Variants in KCTD8 observed in about 807,000 individuals in gnomAD.
KCTD8 encodes potassium channel tetramerization domain containing 8, also known as BTB/POZ domain-containing protein KCTD8.
KCTD8 carries 27 observed loss-of-function variants against 31.5 expected under a neutral mutation model. That is an observed-to-expected ratio of 0.86 (90% CI 0.63 to 1.18). The LOEUF is 1.18. Ranked by LOEUF, KCTD8 falls within the 50% of genes most tolerant of loss-of-function variation. KCTD8 has a pLI of 0.00. For synonymous variants in KCTD8, 290 were observed against 280.0 expected (o/e 1.04, Z -0.36); for missense variants, 658 against 647.7 (o/e 1.02, Z -0.17).
At chr4:44,181,301 G>A (rs1054226229) in intron 1 of KCTD8, among the ~76,000 whole-genome samples, 16 of 151,730 alleles carry the variant, frequency 1.1e-4, no homozygotes, top group African/African-American at 3.4e-4. Flanking sequence ...GCCGAGCCGA[G>A]GCTGGACTCT....
intron 1 of KCTD8, among the ~76,000 whole-genome samples, chr4:44,262,946 A>G (rs17538730): frequency 0.03 from 4,598 of 152,274 alleles, 108 homozygotes; most frequent in South Asian, 0.056. Context: ...AGAGCAAAGT[A>G]GAATCGCTAG....
At chr4:44,194,799 C>T (rs1328189764) in intron 1 of KCTD8, among the ~76,000 whole-genome samples, 1 of 88,950 alleles carries the variant, frequency 1.1e-5, no homozygotes, top group Admixed American at 1.2e-4. Flanking sequence ...CTCCCTCCCT[C>T]CCTCCCTCCC....
chr4:44,272,830 T>C (rs116666129), intron 1 of KCTD8, among the ~76,000 whole-genome samples: 2 of 152,184 alleles, frequency 1.3e-5, no homozygotes, highest in Non-Finnish European at 2.9e-5. Context: ...ATTACTGCAA[T>C]GCCACCAACA....
intron 1 of KCTD8, among the ~76,000 whole-genome samples, chr4:44,253,299 A>G (rs1344005917): frequency 2.0e-5 from 3 of 151,608 alleles, no homozygotes; most frequent in Non-Finnish European, 4.4e-5. Flanking sequence ...TTTTAATCAC[A>G]AATTCAAGTT....
chr4:44,330,153 C>G (rs930527673), intron 1 of KCTD8, among the ~76,000 whole-genome samples: 6 of 151,804 alleles, frequency 4.0e-5, no homozygotes, highest in African/African-American at 1.4e-4. Context: ...ACGTTTGAAT[C>G]TAATTAGGTG....
intron 1 of KCTD8, among the ~76,000 whole-genome samples, chr4:44,401,133 A>G (rs1227659880): frequency 6.7e-6 from 1 of 148,810 alleles, no homozygotes; most frequent in Non-Finnish European, 1.5e-5. Context: ...GATTACAGGC[A>G]TGAATCACCA....
intron 1 of KCTD8, among the ~76,000 whole-genome samples, chr4:44,309,314 C>T (rs556968592): frequency 4.6e-5 from 7 of 152,120 alleles, no homozygotes; most frequent in African/African-American, 1.7e-4. Context: ...GCTAGGATTA[C>T]AGACATGAGC....
chr4:44,270,014 C>A (rs1716530852), intron 1 of KCTD8, among the ~76,000 whole-genome samples: 1 of 152,002 alleles, frequency 6.6e-6, no homozygotes, highest in Non-Finnish European at 1.5e-5. Context: ...CTAGAAATAC[C>A]ATTTGACCCA....
At chr4:44,214,331 G>T (rs969771273) in intron 1 of KCTD8, among the ~76,000 whole-genome samples, 3 of 152,148 alleles carry the variant, frequency 2.0e-5, no homozygotes, top group African/African-American at 7.2e-5. Flanking sequence ...AAACTCTTTA[G>T]CTCCTGCTTT....
chr4:44,415,262 A>G (rs1220418756), intron 1 of KCTD8, among the ~76,000 whole-genome samples: 1 of 152,196 alleles, frequency 6.6e-6, no homozygotes, highest in Non-Finnish European at 1.5e-5. Context: ...ACCTGCGATC[A>G]GATATGAGAA....
chr4:44,300,674 T>TA (rs145999045), intron 1 of KCTD8, among the ~76,000 whole-genome samples: 4,464 of 152,220 alleles, frequency 0.029, 233 homozygotes, highest in African/African-American at 0.1. Flanking sequence ...TTTAAATGCT[T>TA]ATTCAAACTA....
intron 1 of KCTD8, among the ~76,000 whole-genome samples, chr4:44,252,710 A>G (rs562443555): frequency 6.6e-6 from 1 of 151,804 alleles, no homozygotes; most frequent in South Asian, 2.1e-4. Context: ...GCCCTAGTGT[A>G]ATTTTTAATT....
At chr4:44,226,644 T>C (rs920341060) in intron 1 of KCTD8, among the ~76,000 whole-genome samples, 4 of 152,338 alleles carry the variant, frequency 2.6e-5, no homozygotes, top group East Asian at 3.9e-4. Flanking sequence ...TGAACTAATC[T>C]ATACTCCCAC....
chr4:44,349,258 A>C (rs1719134221), intron 1 of KCTD8, among the ~76,000 whole-genome samples: 1 of 152,146 alleles, frequency 6.6e-6, no homozygotes, highest in East Asian at 1.9e-4. Context: ...AAGAAGAAGG[A>C]GAAATATTGG....
intron 1 of KCTD8, among the ~76,000 whole-genome samples, chr4:44,281,789 A>G (rs1030871854): frequency 2.6e-5 from 4 of 152,222 alleles, no homozygotes; most frequent in Non-Finnish European, 4.4e-5. Flanking sequence ...CACTATCAAT[A>G]ATAGGAGTAA....
Position 44,448,519 on chromosome 4 carries a change from G to A in KCTD8, c.5C>T (p.Ala2Val). The part of the protein sequence containing the change: M[A>V]LKDTGSGGST... The stretch of plus-strand genomic sequence containing the variant: ...GCCGCCGCTGCCCGTGTCCTTCAGA[G>A]CCATAGTCCCCCCGCCGCCGGCCCA... Residue 2 changes from alanine to valine, a missense_variant, in exon 1 of 2, where the codon GCT becomes GTT. By Grantham distance (64) the Ala-to-Val change is moderately conservative (BLOSUM62 0). Transcript: ENST00000360029. This position sits in a 1 kb window ranked among gnomAD's most constrained non-coding sequence, Gnocchi z 4.1. 2 of 1,465,948 alleles carry A rather than the reference G, an allele frequency of 1.4e-6. No individual in the cohort carries two copies. Among genetic ancestry groups the A allele is most frequent in the East Asian group, 2.5e-5 (1 of 40,040 alleles). 90.8% of individuals were successfully genotyped at this position (1,465,948 alleles called of 1,614,324 possible).
intron 1 of KCTD8, among the ~76,000 whole-genome samples, chr4:44,330,923 A>G (rs1718576453): frequency 6.6e-6 from 1 of 151,820 alleles, no homozygotes; most frequent in Admixed American, 6.6e-5. Context: ...TTTCCCAGAG[A>G]AGATATGAGG....
intron 1 of KCTD8, among the ~76,000 whole-genome samples, chr4:44,230,108 A>G (rs747221925): frequency 9.9e-5 from 15 of 152,096 alleles, no homozygotes; most frequent in Non-Finnish European, 2.2e-4. Flanking sequence ...CCCCTCAGTC[A>G]AATTCTTTCT....
At position 44,209,467 on chromosome 4, in the gene KCTD8, T is replaced by C. The variant is rs114414045; in HGVS notation, c.962-34217A>G. 8.2e-3 allele frequency among the ~76,000 whole-genome samples: 1,242 copies of C among 151,944 alleles called. 11 individuals are homozygous for C. The highest frequency in any genetic ancestry group is 0.012 in the Non-Finnish European group (805 of 67,892). ...CTTTCTCTGTTTCTCTCACCATGTA[T>C]AGAGATGAAGGTAGATATAGCTACA... On this transcript the variant is annotated intron_variant, in intron 1 of 1. Coordinates refer to ENST00000360029, the MANE Select transcript of KCTD8 (RefSeq NM_198353.3).
Sources: allele counts gnomAD v4.1 joint callset (sites outside exome capture counted in the v4.1 genomes callset), GRCh38; gene constraint gnomAD v4.1.1; non-coding constraint Gnocchi (gnomAD v3.1); transcripts MANE v1.5; gene names NCBI Gene and HGNC (gene_info 2026-07-23, HGNC 2026-07-21).